SPOCK1: variants seen among roughly 807,000 people sequenced by gnomAD.
SPOCK1 encodes testican-1.
Under a neutral mutation model 55.3 loss-of-function variants are expected in SPOCK1, and 23 were observed. The ratio of observed to expected loss-of-function variants is 0.42; its 90% CI spans 0.30 to 0.59. SPOCK1 has a LOEUF of 0.59. SPOCK1 is among the 20% of genes least tolerant of loss of function. The probability of loss-of-function intolerance (pLI) is 0.22; values close to 1 mark genes in which losing one functional copy is unlikely to be tolerated. For synonymous variants in SPOCK1, 226 were observed against 221.0 expected (o/e 1.02, Z -0.20); for missense variants, 499 against 552.5 (o/e 0.90, Z 0.97).
At chr5:137,419,698 T>G (rs2149825140) in intron 2 of SPOCK1, among the ~76,000 whole-genome samples, 1 of 152,322 alleles carries the variant, frequency 6.6e-6, no homozygotes, top group Non-Finnish European at 1.5e-5. Flanking sequence ...AAGGAGATTT[T>G]GGGCTGAGAC....
intron 3 of SPOCK1, among the ~76,000 whole-genome samples, chr5:137,239,928 A>T (rs992300219): frequency 2.0e-5 from 3 of 152,224 alleles, no homozygotes; most frequent in African/African-American, 7.2e-5. Context: ...AGCTAAAAAA[A>T]CTATAATAAA....
At chr5:137,343,652 G>C (rs1485485532) in intron 2 of SPOCK1, among the ~76,000 whole-genome samples, 1 of 152,224 alleles carries the variant, frequency 6.6e-6, no homozygotes, top group Non-Finnish European at 1.5e-5. Context: ...TATTCACACA[G>C]TTCCTCCTTA....
intron 6 of SPOCK1, among the ~76,000 whole-genome samples, chr5:137,060,835 G>A (rs983375018): frequency 2.0e-5 from 3 of 152,160 alleles, no homozygotes; most frequent in African/African-American, 7.2e-5. Context: ...AGAGGACCAG[G>A]AAAACCTGTG....
At chr5:137,319,382 C>G (rs1214658796) in intron 2 of SPOCK1, among the ~76,000 whole-genome samples, 1 of 152,204 alleles carries the variant, frequency 6.6e-6, no homozygotes, top group East Asian at 1.9e-4. Flanking sequence ...TTCATTACCC[C>G]TTTCTTTCAT....
At chr5:137,429,616 T>C (rs1752703365) in intron 2 of SPOCK1, among the ~76,000 whole-genome samples, 1 of 152,192 alleles carries the variant, frequency 6.6e-6, no homozygotes, top group Admixed American at 6.5e-5. Context: ...CCACATGAAC[T>C]GAGAAGAATA....
intron 3 of SPOCK1, among the ~76,000 whole-genome samples, chr5:137,193,281 A>G (rs191512192): frequency 1.3e-5 from 2 of 152,194 alleles, no homozygotes; most frequent in East Asian, 3.9e-4. Flanking sequence ...CAGGCAAGAG[A>G]CAGTGAGAAG....
chr5:137,176,762 A>C (rs563805443), intron 3 of SPOCK1, among the ~76,000 whole-genome samples: 1 of 152,292 alleles, frequency 6.6e-6, no homozygotes, highest in South Asian at 2.1e-4. Flanking sequence ...AAATGATGCT[A>C]ATAAACTGCA....
At chr5:137,198,053 T>C (rs1298875854) in intron 3 of SPOCK1, among the ~76,000 whole-genome samples, 2 of 152,254 alleles carry the variant, frequency 1.3e-5, no homozygotes, top group African/African-American at 4.8e-5. Context: ...TTGACATCAG[T>C]ATTTTTCTGT....
chr5:137,055,061 A>G (rs548556002), intron 6 of SPOCK1, among the ~76,000 whole-genome samples: 35 of 152,274 alleles, frequency 2.3e-4, no homozygotes, highest in Non-Finnish European at 4.4e-4. Flanking sequence ...AAACGTACTC[A>G]GCAATAAAAA....
intron 6 of SPOCK1, among the ~76,000 whole-genome samples, chr5:137,062,884 A>G (rs908180706): frequency 3.9e-5 from 6 of 152,136 alleles, no homozygotes; most frequent in African/African-American, 1.4e-4. Context: ...TGGAGATGAG[A>G]GAGATAAGGC....
chr5:137,168,796 G>A (rs1458592862), intron 3 of SPOCK1, among the ~76,000 whole-genome samples: 2 of 152,052 alleles, frequency 1.3e-5, no homozygotes, highest in Non-Finnish European at 2.9e-5. Context: ...CAGTTTGGAG[G>A]TTCCTCAAGA....
At chr5:136,996,423 G>A (rs900732891) in intron 6 of SPOCK1, among the ~76,000 whole-genome samples, 5 of 152,140 alleles carry the variant, frequency 3.3e-5, no homozygotes, top group Admixed American at 1.3e-4. Context: ...GATTAATCAC[G>A]AAGACCAAGA....
rs184973572 is a variant in SPOCK1 at position 137,156,177 on chromosome 5, G to A, written c.233-15483C>T. 1.0e-3 allele frequency among the ~76,000 whole-genome samples: 152 copies of A among 152,274 alleles called. 4 individuals are homozygous for A. In the Middle Eastern group the frequency reaches 0.024, roughly 24 times the overall value. ...CAGGGTAAGTGCCTCTGAACCCTGA[G>A]AGTGGGGAGGGCCCATAGCAATATA... On this transcript the variant is annotated intron_variant, in intron 3 of 10. Transcript: ENST00000394945.
chr5:137,445,957 G>A (rs1374752683), intron 2 of SPOCK1, among the ~76,000 whole-genome samples: 1 of 152,156 alleles, frequency 6.6e-6, no homozygotes, highest in Non-Finnish European at 1.5e-5. Flanking sequence ...AATACAAACT[G>A]TGACCTAAGA....
intron 5 of SPOCK1, among the ~76,000 whole-genome samples, chr5:137,082,122 C>A (rs145193323): frequency 6.6e-6 from 1 of 152,330 alleles, no homozygotes; most frequent in African/African-American, 2.4e-5. Flanking sequence ...GCCAGAAACG[C>A]CCAAGTCACA....
chr5:137,368,963 A>G (rs1300880917), intron 2 of SPOCK1, among the ~76,000 whole-genome samples: 1 of 152,232 alleles, frequency 6.6e-6, no homozygotes, highest in Non-Finnish European at 1.5e-5. Flanking sequence ...TGTTGAAGGA[A>G]TGACCTAGAT....
intron 3 of SPOCK1, among the ~76,000 whole-genome samples, chr5:137,241,125 T>C (rs1418694104): frequency 6.6e-6 from 1 of 152,092 alleles, no homozygotes; most frequent in Non-Finnish European, 1.5e-5. Flanking sequence ...GGAGCAAAGT[T>C]AAATTTAAAA....
intron 4 of SPOCK1, among the ~76,000 whole-genome samples, chr5:137,131,929 G>A (rs1279858045): frequency 8.2e-6 from 1 of 121,686 alleles, no homozygotes; most frequent in African/African-American, 3.3e-5. Context: ...CCGAGATCGC[G>A]CCACTGCACT....
At chr5:137,249,701 C>T (rs763424886) in intron 3 of SPOCK1, among the ~76,000 whole-genome samples, 78 of 152,154 alleles carry the variant, frequency 5.1e-4, no homozygotes, top group Admixed American at 1.1e-3. Context: ...AAAAACTTTA[C>T]AATTCCAAGC....
Sources: allele counts gnomAD v4.1 joint callset (sites outside exome capture counted in the v4.1 genomes callset), GRCh38; gene constraint gnomAD v4.1.1; transcripts MANE v1.5; gene names NCBI Gene and HGNC (gene_info 2026-07-23, HGNC 2026-07-21).